AP3D1: variants seen among roughly 807,000 people sequenced by gnomAD.
AP3D1 encodes the protein AP-3 complex subunit delta-1.
AP3D1 carries 51 observed loss-of-function variants against 147.6 expected under a neutral mutation model. That is an observed-to-expected ratio of 0.35 (90% CI 0.28 to 0.44). The LOEUF (loss-of-function observed/expected upper bound fraction) is 0.44, where lower values mean the gene tolerates loss of function less well. Among genes scored for constraint, AP3D1 ranks in the 20% least tolerant of loss-of-function variants. The probability of loss-of-function intolerance (pLI) is 1.00; values close to 1 mark genes in which losing one functional copy is unlikely to be tolerated. For missense variants in AP3D1, 1,421 were observed against 1,624.2 expected, an observed-to-expected ratio of 0.87 and a Z score of 2.15; for synonymous variants, 760 against 663.0, an observed-to-expected ratio of 1.15 and a Z score of -2.25.
intron 17 of AP3D1, 59 bp from the exon 18 acceptor site, chr19:2,116,337 C>T (rs1400962004): frequency 9.8e-6 from 15 of 1,536,358 alleles, no homozygotes; most frequent in East Asian, 4.7e-5. Flanking sequence ...CCTCTGTGGA[C>T]GTCCACCACC....
chr19:2,129,307 G>A lies in AP3D1; in HGVS notation c.732+11C>T, dbSNP rs528780150. On this transcript the variant is annotated intron_variant, in intron 7 of 31. Coordinates refer to ENST00000643116, the MANE Select transcript of AP3D1 (RefSeq NM_001261826.3). The stretch of plus-strand genomic sequence containing the variant: ...CAGGGTGAGGAGGCCACATTCCCGG[G>A]CAGTACTTGCCAGCTTGATGATCTT... The A allele has an allele frequency of 9.9e-6, 16 of 1,613,876 alleles. No homozygotes were observed. The South Asian group carries it at 1.8e-4, about 18-fold the overall frequency.
intron 25 of AP3D1, 55 bp downstream of exon 25, chr19:2,111,624 C>G (rs950907842): frequency 9.2e-6 from 14 of 1,528,312 alleles, no homozygotes; most frequent in Middle Eastern, 2.3e-4. Context: ...TGGGGAGCAG[C>G]GCACAGCCCG....
chr19:2,127,051 G>A (rs910697584), intron 9 of AP3D1, 101 bp downstream of exon 9: 1 of 1,279,110 alleles, frequency 7.8e-7, no homozygotes, highest in South Asian at 1.2e-5. Flanking sequence ...TCCAGCAGGG[G>A]TGGCGCTCGG....
upstream of AP3D1, among the ~76,000 whole-genome samples, chr19:2,155,483 G>A (rs1265332509): frequency 7.8e-6 from 1 of 128,534 alleles, no homozygotes; most frequent in Non-Finnish European, 1.6e-5. Flanking sequence ...GCAGTGAGCC[G>A]AAATTGTGCC....
intron 1 of AP3D1, among the ~76,000 whole-genome samples, chr19:2,144,619 G>A (rs911774471): frequency 2.6e-5 from 4 of 152,042 alleles, no homozygotes; most frequent in African/African-American, 9.7e-5. Flanking sequence ...AAAACCCTCT[G>A]AGTCAAGGCG....
chr19:2,133,756 C>G (rs1416727650), intron 4 of AP3D1, among the ~76,000 whole-genome samples: 1 of 151,806 alleles, frequency 6.6e-6, no homozygotes, highest in Non-Finnish European at 1.5e-5. Context: ...CCCGCCATGG[C>G]CTCCCAAAGT....
intron 5 of AP3D1, among the ~76,000 whole-genome samples, 180 bp from the exon 6 acceptor site, chr19:2,130,717 C>A (rs550071752): frequency 6.6e-6 from 1 of 152,204 alleles, no homozygotes; most frequent in Non-Finnish European, 1.5e-5. Flanking sequence ...CTCACTGTGC[C>A]CCTGACTCAG....
chr19:2,126,043 C>A (rs1313276294), intron 9 of AP3D1, among the ~76,000 whole-genome samples: 1 of 151,864 alleles, frequency 6.6e-6, no homozygotes, highest in African/African-American at 2.4e-5. Context: ...AAGAGGACTG[C>A]TTAAGCCCGG....
upstream of AP3D1, among the ~76,000 whole-genome samples, chr19:2,153,946 A>ATTTTTT (rs879565994): frequency 1.2e-4 from 9 of 74,476 alleles, no homozygotes; most frequent in Admixed American, 2.9e-4. Context: ...CCCAGCCTGA[A>ATTTTTT]TTTTTTTTTT....
intron 28 of AP3D1, 53 bp downstream of exon 28, chr19:2,110,083 G>C: frequency 6.3e-7 from 1 of 1,594,064 alleles, no homozygotes; most frequent in South Asian, 1.1e-5. Context: ...TGGGGCAGGA[G>C]GAGCCCCTGC....
At chr19:2,110,103 C>A in intron 28 of AP3D1, 33 bp downstream of exon 28, 10 of 1,603,576 alleles carry the variant, frequency 6.2e-6, no homozygotes, top group South Asian at 1.1e-5. Flanking sequence ...CCTGCAGAGT[C>A]GGCTCTTCAA....
intron 1 of AP3D1, among the ~76,000 whole-genome samples, chr19:2,162,105 G>C (rs944475437): frequency 2.1e-5 from 3 of 145,614 alleles, no homozygotes; most frequent in Non-Finnish European, 3.0e-5. Flanking sequence ...GCACGATCTC[G>C]GGTCACTGCA....
intron 27 of AP3D1, 141 bp downstream of exon 27, chr19:2,110,566 A>G: frequency 1.1e-6 from 1 of 910,770 alleles, no homozygotes; most frequent in Non-Finnish European, 1.6e-6. Context: ...AGACCCCGAC[A>G]CTCAGGAGGT....
chr19:2,111,365 G>A, intron 25 of AP3D1, 33 bp from the exon 26 acceptor site: 2 of 1,613,372 alleles, frequency 1.2e-6, no homozygotes, highest in South Asian at 1.1e-5. Flanking sequence ...AGCCTTGGGG[G>A]CCCCGAGCTC....
chr19:2,163,713 G>A (rs2019792062), intron 1 of AP3D1, among the ~76,000 whole-genome samples: 1 of 151,892 alleles, frequency 6.6e-6, no homozygotes, highest in African/African-American at 2.4e-5. Flanking sequence ...TCCCCGCTTC[G>A]GGCCGGCGAG....
At chr19:2,138,531 T>C (rs1347228100) in intron 2 of AP3D1, 88 bp downstream of exon 2, 55 of 1,026,040 alleles carry the variant, frequency 5.4e-5, no homozygotes, top group Non-Finnish European at 1.5e-6. Context: ...GACTGACAGG[T>C]GGACAGACAG....
chr19:2,129,378 G>A lies in AP3D1; in HGVS notation c.672C>T (p.Leu224=). Residue 224 remains leucine, a synonymous_variant, in exon 7 of 32, where the codon CTC becomes CTT. Transcript: ENST00000643116. ...NPKNYLSLAP[L]FFKLMTSSTN... ...TGGAGGACGTCATCAGCTTGAAAAAGAGCGGGGCCAGGGACAGGTAGTTCT... is the reference window on the plus strand; with the variant it reads ...TGGAGGACGTCATCAGCTTGAAAAAAAGCGGGGCCAGGGACAGGTAGTTCT... 1.2e-6 allele frequency: 2 copies of A among 1,614,072 alleles called. No homozygotes were observed. The highest frequency in any genetic ancestry group is 1.1e-5 in the South Asian group (1 of 91,084).
intron 8 of AP3D1, among the ~76,000 whole-genome samples, chr19:2,128,466 CG>C (rs748054465): frequency 0.08 from 8,904 of 111,822 alleles, 394 homozygotes; most frequent in South Asian, 0.11. Flanking sequence ...GGAGCCGGCC[CG>C]CCCCCGCCGC....
At chr19:2,112,673 T>C (rs983861998) in intron 24 of AP3D1, 187 bp downstream of exon 24, 3 of 555,242 alleles carry the variant, frequency 5.4e-6, no homozygotes, top group East Asian at 6.1e-5. Context: ...ATGAACCATG[T>C]GTGAATAAGA....
Sources: allele counts gnomAD v4.1 joint callset (sites outside exome capture counted in the v4.1 genomes callset), GRCh38; gene constraint gnomAD v4.1.1; transcripts MANE v1.5; gene names NCBI Gene and HGNC (gene_info 2026-07-23, HGNC 2026-07-21).